The following PRDM12 variants were observed in gnomAD, a reference collection of about 807,000 sequenced individuals.
PRDM12 encodes PR domain zinc finger protein 12.
A neutral mutation model predicts 29.6 loss-of-function variants in PRDM12; 17 were observed. The ratio of observed to expected loss-of-function variants is 0.57; its 90% confidence interval spans 0.39 to 0.86. PRDM12 has a LOEUF of 0.86. Among genes scored for constraint, PRDM12 ranks in the 40% least tolerant of loss-of-function variants. The pLI is 0.00. For synonymous variants in PRDM12, 231 were observed against 225.8 expected (o/e 1.02, Z -0.21); for missense variants, 422 against 510.8 (o/e 0.83, Z 1.68).
At chr9:130,665,781 G>A (rs903897318) in intron 1 of PRDM12, among the ~76,000 whole-genome samples, 1 of 152,198 alleles carries the variant, frequency 6.6e-6, no homozygotes, top group Non-Finnish European at 1.5e-5. Flanking sequence ...CTTTCAGCCG[G>A]CCCGCTCGCC....
chr9:130,664,865 C>T lies in PRDM12; in HGVS notation c.212C>T (p.Ser71Phe). The T allele has an allele frequency of 6.5e-7, 1 of 1,539,600 alleles. No individual in the cohort carries two copies. Among genetic ancestry groups the T allele is most frequent in the Non-Finnish European group, 8.8e-7 (1 of 1,142,384 alleles). The change falls in exon 1 of 5, where the codon TCC (serine) becomes TTC (phenylalanine). Residue 71 changes from serine (S) to phenylalanine (F), a missense_variant. Physicochemically the swap from Ser to Phe is radical, Grantham distance 155 (BLOSUM62 -2). Around this residue, in one of 5 missense-constraint regions of PRDM12, gnomAD observed 300 missense variants for 350.0 expected, o/e 0.86. Coordinates refer to ENST00000253008, the MANE Select transcript of PRDM12 (RefSeq NM_021619.3). This position sits in a 1 kb window ranked among gnomAD's most constrained non-coding sequence, Gnocchi z 6.4. ...TAFTAEVLAQ[S>F]FSGEVQKLSS... ...TTCACCGCCGAGGTGCTGGCGCAGT[C>T]CTTCTCCGGCGGTGAGTCCAGCCGT...
intron 4 of PRDM12, 80 bp downstream of exon 4, chr9:130,678,720 G>C: frequency 8.5e-7 from 1 of 1,176,244 alleles, no homozygotes; most frequent in Non-Finnish European, 1.2e-6. Context: ...GAATGAGAGA[G>C]GCAGAGAGGC....
chr9:130,676,193 TA>T (rs899177253), intron 3 of PRDM12, among the ~76,000 whole-genome samples: 25 of 151,906 alleles, frequency 1.6e-4, no homozygotes, highest in African/African-American at 5.8e-4. Flanking sequence ...TTTAAAAATG[TA>T]AAAAACAAAA....
At chr9:130,669,098 C>A (rs566056791) in intron 3 of PRDM12, among the ~76,000 whole-genome samples, 27 of 151,980 alleles carry the variant, frequency 1.8e-4, no homozygotes, top group African/African-American at 4.3e-4. Flanking sequence ...ATTGCCGAGG[C>A]GGGCAGATCA....
rs1830751251 is a variant in PRDM12 at position 130,668,214 on chromosome 9, C to T, written c.471C>T (p.His157=). Residue 157 remains histidine, a synonymous_variant, in exon 3 of 5, where the codon CAC becomes CAT. Transcript: ENST00000253008. The surrounding 1 kb of genome is among the most constrained non-coding windows in gnomAD (Gnocchi z 4.0). ...RYFIDASQED[H]RSWMTYIKCA... ...TCATCGATGCCAGCCAGGAGGACCACCGGAGCTGGATGACCTACATCAAGT... is the reference window on the plus strand; with the variant it reads ...TCATCGATGCCAGCCAGGAGGACCATCGGAGCTGGATGACCTACATCAAGT... The T allele has an allele frequency of 8.1e-6, 13 of 1,614,092 alleles. No homozygotes were observed. The highest frequency in any genetic ancestry group is 1.1e-5 in the Non-Finnish European group (13 of 1,180,042).
chr9:130,674,578 T>C (rs138752312), intron 3 of PRDM12, among the ~76,000 whole-genome samples: 3 of 150,580 alleles, frequency 2.0e-5, no homozygotes, highest in African/African-American at 7.3e-5. Flanking sequence ...GTCAGAGGCA[T>C]GATGTAGATG....
chr9:130,678,455 G>A, intron 3 of PRDM12, 74 bp from the exon 4 acceptor site: 5 of 1,058,886 alleles, frequency 4.7e-6, no homozygotes, highest in South Asian at 4.2e-5. Context: ...GGCTGTGGAG[G>A]GGTGCTCAGA....
At chr9:130,673,356 G>A (rs111434252) in intron 3 of PRDM12, among the ~76,000 whole-genome samples, 156 of 152,284 alleles carry the variant, frequency 1.0e-3, no homozygotes, top group South Asian at 2.1e-3. Flanking sequence ...TGTTGATGGC[G>A]GGTGCCTGGG....
intron 3 of PRDM12, among the ~76,000 whole-genome samples, chr9:130,676,650 C>T (rs555330337): frequency 6.6e-6 from 1 of 152,306 alleles, no homozygotes; most frequent in East Asian, 1.9e-4. Flanking sequence ...AGGGATCTCG[C>T]TGTGGTGCCA....
Position 130,665,747 on chromosome 9 carries a change from C to A in PRDM12, c.224-861C>A, listed in dbSNP as rs565604210. On this transcript the variant is annotated intron_variant, in intron 1 of 4. Coordinates refer to ENST00000253008, the MANE Select transcript of PRDM12 (RefSeq NM_021619.3). ...GCGTGACAAATTGCCCGCCGCGCCG[C>A]AATGGACACCGTTTAACCCCCCCCT... Among the ~76,000 whole-genome samples the A allele has an allele frequency of 1.1e-4, 17 of 152,332 alleles. No homozygotes were observed. In the South Asian group the frequency reaches 3.5e-3, roughly 32 times the overall value.
intron 4 of PRDM12, among the ~76,000 whole-genome samples, chr9:130,680,661 T>A (rs75593626): frequency 0.03 from 2,296 of 76,436 alleles, 20 homozygotes; most frequent in East Asian, 0.047. Context: ...ATATATATAT[T>A]TTTTTTTTTT....
rs74453950 is a variant in PRDM12, at chr9:130,668,939, G to A, written c.570+626G>A. Among the ~76,000 whole-genome samples, 10,024 of 152,222 alleles carry A rather than the reference G, an allele frequency of 0.066. 377 individuals are homozygous for A. Among genetic ancestry groups the A allele is most frequent in the South Asian group, 0.1 (489 of 4,820 alleles). ...GTCTCCCTCGGTGGCAGCAGACTTG[G>A]GGGTTTTGCCGGCCATCTGGGGGGA... On this transcript the variant is annotated intron_variant, in intron 3 of 4. Coordinates refer to ENST00000253008, the MANE Select transcript of PRDM12 (RefSeq NM_021619.3). This position sits in a 1 kb window ranked among gnomAD's most constrained non-coding sequence, Gnocchi z 4.0.
At chr9:130,669,815 C>CAAAAA (rs55753417) in intron 3 of PRDM12, among the ~76,000 whole-genome samples, 1 of 44,062 alleles carries the variant, frequency 2.3e-5, no homozygotes, top group African/African-American at 7.2e-5. Context: ...GACTCCATCT[C>CAAAAA]AAAAAAAAAA....
chr9:130,666,476 T>C, intron 1 of PRDM12, 132 bp from the exon 2 acceptor site: 1 of 1,190,470 alleles, frequency 8.4e-7, no homozygotes, highest in South Asian at 1.7e-5. Flanking sequence ...CCCGGGTGGC[T>C]TCTCTGGATT....
At chr9:130,673,871 A>C (rs953244318) in intron 3 of PRDM12, among the ~76,000 whole-genome samples, 2 of 151,550 alleles carry the variant, frequency 1.3e-5, no homozygotes, top group African/African-American at 4.9e-5. Context: ...GGGTTTCTCC[A>C]TGTTGGCCAG....
chr9:130,679,361 T>C (rs1408428281), intron 4 of PRDM12, among the ~76,000 whole-genome samples: 1 of 146,522 alleles, frequency 6.8e-6, no homozygotes, highest in African/African-American at 2.6e-5. Context: ...GAGACTGAGT[T>C]TCACTCTGTC....
chr9:130,681,697 C>T lies in PRDM12; in HGVS notation c.*28C>T, dbSNP rs974834911. The T allele has an allele frequency of 3.1e-6, 3 of 980,754 alleles. No homozygotes were observed. Among genetic ancestry groups the T allele is most frequent in the Non-Finnish European group, 3.6e-6 (3 of 827,856 alleles). 60.8% of individuals were successfully genotyped at this position (980,754 alleles called of 1,614,324 possible). On this transcript the variant is annotated 3_prime_UTR_variant, in exon 5 of 5. Transcript: ENST00000253008. The surrounding 1 kb of genome is among the most constrained non-coding windows in gnomAD (Gnocchi z 8.1). Reference sequence around the variant, plus strand: ...GCGCCCGCGCCCCCGCCGGGCCCCGCGCGCTCCTGGGTCCCCGGCACCCCG... The same window carrying T: ...GCGCCCGCGCCCCCGCCGGGCCCCGTGCGCTCCTGGGTCCCCGGCACCCCG...
Position 130,681,732 on chromosome 9 carries a change from C to T in PRDM12, c.*63C>T, listed in dbSNP as rs894833061. The T allele has an allele frequency of 2.3e-5, 23 of 978,768 alleles. No individual in the cohort carries two copies. The African/African-American group carries it at 3.9e-4, about 16-fold the overall frequency. The allele number at this position is 978,768 out of a possible 1,614,324, so 60.6% of individuals were successfully genotyped here. On this transcript the variant is annotated 3_prime_UTR_variant, in exon 5 of 5. Transcript: ENST00000253008. This position sits in a 1 kb window ranked among gnomAD's most constrained non-coding sequence, Gnocchi z 8.1. Reference sequence around the variant, plus strand: ...GGTCCCCGGCACCCCGGCCCCGCAGCGCGACTCGCCCTCCAGCCCCAACCC... The same window carrying T: ...GGTCCCCGGCACCCCGGCCCCGCAGTGCGACTCGCCCTCCAGCCCCAACCC...
At chr9:130,680,874 G>C (rs1830893260) in intron 4 of PRDM12, among the ~76,000 whole-genome samples, 2 of 151,784 alleles carry the variant, frequency 1.3e-5, no homozygotes, top group South Asian at 4.2e-4. Context: ...GCTAAGGCAG[G>C]TCGGGTGCTT....
Sources: gnomAD v4.1 joint callset for allele counts (sites outside exome capture counted in the v4.1 genomes callset) on GRCh38, gnomAD v4.1.1 for gene constraint, gnomAD v4.1.1 regional missense constraint, Gnocchi (gnomAD v3.1) non-coding constraint, MANE v1.5 for transcripts, NCBI Gene and HGNC (gene_info 2026-07-23, HGNC 2026-07-21) for gene names.